Variants in METTL2B observed in about 807,000 individuals in gnomAD.
METTL2B encodes the protein methyltransferase 2B, tRNA N3-cytidine, also known as tRNA N(3)-cytidine methyltransferase METTL2B.
In METTL2B, 28 loss-of-function variants were observed where a neutral mutation model predicts 51.0. The ratio of observed to expected loss-of-function variants is 0.55; its 90% confidence interval spans 0.41 to 0.75. The LOEUF is 0.75. METTL2B is among the 30% of genes least tolerant of loss of function. The pLI, the probability that METTL2B is intolerant of heterozygous loss-of-function variation, is 0.00. For synonymous variants in METTL2B, 128 were observed against 166.3 expected (o/e 0.77, Z 1.77); for missense variants, 313 against 460.7 (o/e 0.68, Z 2.93).
rs765973988 is a variant in METTL2B at position 128,479,276 on chromosome 7, A to C, written c.321A>C (p.Gln107His). 2 of 1,614,134 alleles carry C rather than the reference A, an allele frequency of 1.2e-6. No homozygotes were observed. Among genetic ancestry groups the C allele is most frequent in the African/African-American group, 2.7e-5 (2 of 74,950 alleles). Residue 107 changes from glutamine to histidine, a missense_variant, in exon 3 of 9, where the codon CAA becomes CAC. Gln to His is a conservative substitution (Grantham distance 24). Coordinates refer to ENST00000262432, the MANE Select transcript of METTL2B (RefSeq NM_018396.3). Reference protein sequence around the residue: ...FTEFPELAPSQNQNHLKDWFL... With the variant: ...FTEFPELAPSHNQNHLKDWFL... ...AATTCCCTGAGCTGGCACCTAGCCA[A>C]AATCAAAATCATTTGAAGGATTGGT... is the stretch of plus-strand genomic sequence containing the variant.
chr7:128,485,527 G>A (rs573490008), intron 4 of METTL2B, among the ~76,000 whole-genome samples: 7 of 152,214 alleles, frequency 4.6e-5, no homozygotes, highest in South Asian at 4.1e-4. Flanking sequence ...TTAGCCAGTC[G>A]TGGTGGCAGG....
chr7:128,502,955 T>G lies in METTL2B; in HGVS notation c.*1039T>G, dbSNP rs1190210878. On this transcript the variant is annotated 3_prime_UTR_variant, in exon 9 of 9. Transcript: ENST00000262432. ...ATGGAATTTTAAGCACTGTTCCCCCTCTAACCTATGTCTAAAGAATTAAAA... is the reference window on the plus strand; with the variant it reads ...ATGGAATTTTAAGCACTGTTCCCCCGCTAACCTATGTCTAAAGAATTAAAA... The G allele has an allele frequency of 1.6e-5, 3 of 184,838 alleles. No individual in the cohort carries two copies. Among genetic ancestry groups the G allele is most frequent in the Non-Finnish European group, 3.4e-5 (3 of 87,538 alleles). 11.4% of individuals were successfully genotyped at this position (184,838 alleles called of 1,614,324 possible).
chr7:128,505,312 A>T lies in METTL2B; in HGVS notation c.*3396A>T, dbSNP rs560726768. The T allele has an allele frequency of 6.6e-6, 1 of 152,298 alleles. No individual in the cohort carries two copies. Among genetic ancestry groups the T allele is most frequent in the Non-Finnish European group, 1.5e-5 (1 of 68,038 alleles). The allele number at this position is 152,298 out of a possible 1,614,324, so 9.4% of individuals were successfully genotyped here. A position where few individuals can be genotyped will look rare whatever the true frequency, so the allele number is the denominator to read the frequency against. On this transcript the variant is annotated 3_prime_UTR_variant, in exon 9 of 9. Coordinates refer to ENST00000262432, the MANE Select transcript of METTL2B (RefSeq NM_018396.3). Reference sequence around the variant, plus strand: ...TGTAAAAAATAAATAATTGTATTGAATTTATTAGTTGTGTCTCAGTCTCCT... The same window carrying T: ...TGTAAAAAATAAATAATTGTATTGATTTTATTAGTTGTGTCTCAGTCTCCT...
At chr7:128,489,302 G>C (rs1023425020) in intron 5 of METTL2B, among the ~76,000 whole-genome samples, 1 of 151,834 alleles carries the variant, frequency 6.6e-6, no homozygotes, top group Admixed American at 6.6e-5. Flanking sequence ...CAGGCATGGT[G>C]GTGGGCACCT....
intron 5 of METTL2B, among the ~76,000 whole-genome samples, chr7:128,491,842 T>G (rs1226520953): frequency 6.6e-6 from 1 of 152,160 alleles, no homozygotes; most frequent in Non-Finnish European, 1.5e-5. Flanking sequence ...TGCCATGCTT[T>G]TAGAATTATT....
chr7:128,491,414 G>A (rs1792830482), intron 5 of METTL2B, among the ~76,000 whole-genome samples: 1 of 151,948 alleles, frequency 6.6e-6, no homozygotes, highest in Admixed American at 6.6e-5. Context: ...TGGCCAATAT[G>A]GTGAAACTCC....
rs933745096 is a variant in METTL2B, at chr7:128,480,681, T to C, written c.593T>C (p.Ile198Thr). The C allele has an allele frequency of 1.9e-6, 3 of 1,605,372 alleles. No individual in the cohort carries two copies. Among genetic ancestry groups the C allele is most frequent in the African/African-American group, 2.7e-5 (2 of 74,218 alleles). ...GGTGTGGGAAACACAGTCTTTCCAA[T>C]TTTACAAACGAACAAGTAAGTATGT... ...GCGVGNTVFPILQTNNDPGLF... is the reference protein window; with the variant it reads ...GCGVGNTVFPTLQTNNDPGLF... Residue 198 changes from isoleucine (I) to threonine (T), a missense_variant, in exon 4 of 9, where the codon ATT becomes ACT. By Grantham distance (89) the Ile-to-Thr change is moderately conservative (BLOSUM62 -1). Around this residue, in one of 4 missense-constraint regions of METTL2B, gnomAD observed 42 missense variants for 113.4 expected, o/e 0.37. Coordinates refer to ENST00000262432, the MANE Select transcript of METTL2B (RefSeq NM_018396.3).
chr7:128,485,471 G>A (rs1330038846), intron 4 of METTL2B, among the ~76,000 whole-genome samples: 2 of 152,072 alleles, frequency 1.3e-5, no homozygotes, highest in Non-Finnish European at 1.5e-5. Context: ...AGACCATCCT[G>A]GCTAACACAG....
intron 4 of METTL2B, among the ~76,000 whole-genome samples, chr7:128,486,606 A>C (rs538787439): frequency 3.9e-4 from 58 of 149,242 alleles, no homozygotes; most frequent in African/African-American, 8.3e-4. Context: ...GTGTCTCACA[A>C]AAAAAAAAAG....
chr7:128,482,955 A>C (rs1238683631), intron 4 of METTL2B: 1 of 152,242 alleles, frequency 6.6e-6, no homozygotes, highest in African/African-American at 2.4e-5. Flanking sequence ...CACAGTATTC[A>C]TTAACAGGAT....
At chr7:128,478,249 A>G (rs980976627) in intron 2 of METTL2B, among the ~76,000 whole-genome samples, 7 of 147,978 alleles carry the variant, frequency 4.7e-5, no homozygotes, top group Non-Finnish European at 8.9e-5. Flanking sequence ...TAAACTGTCC[A>G]TACTTTTTTT....
chr7:128,485,277 A>G (rs1215044885), intron 4 of METTL2B, among the ~76,000 whole-genome samples: 10 of 152,192 alleles, frequency 6.6e-5, no homozygotes, highest in Non-Finnish European at 1.5e-4. Flanking sequence ...CCATGCCTAT[A>G]ATCCCAGCAC....
intron 3 of METTL2B, among the ~76,000 whole-genome samples, chr7:128,480,241 A>G (rs1182065423): frequency 6.6e-6 from 1 of 152,234 alleles, no homozygotes; most frequent in Non-Finnish European, 1.5e-5. Context: ...TGCTGTCTTC[A>G]TTACCACGCA....
At position 128,505,380 on chromosome 7, in the gene METTL2B, A is replaced by T. The variant is rs1232875530; in HGVS notation, c.*3464A>T. 6.6e-6 allele frequency: 1 copy of T among 152,240 alleles called. No individual in the cohort carries two copies. Among genetic ancestry groups the T allele is most frequent in the Non-Finnish European group, 1.5e-5 (1 of 68,040 alleles). The allele number at this position is 152,240 out of a possible 1,614,324, so 9.4% of individuals were successfully genotyped here. On this transcript the variant is annotated 3_prime_UTR_variant, in exon 9 of 9. Coordinates refer to ENST00000262432, the MANE Select transcript of METTL2B (RefSeq NM_018396.3). ...CTTGCTTTTGCACCTTTGCATTTTA[A>T]GGTAAGAGGCTATTGTGTAAACTCG...
At chr7:128,480,284 C>T (rs576158482) in intron 3 of METTL2B, among the ~76,000 whole-genome samples, 10 of 152,240 alleles carry the variant, frequency 6.6e-5, no homozygotes, top group African/African-American at 2.4e-4. Flanking sequence ...GTCAAGGTCC[C>T]CTTTTCATAC....
intron 4 of METTL2B, among the ~76,000 whole-genome samples, chr7:128,485,826 C>T (rs888773138): frequency 2.6e-5 from 4 of 152,132 alleles, no homozygotes; most frequent in Non-Finnish European, 4.4e-5. Flanking sequence ...ATCAATAAAA[C>T]AACAATTTTT....
intron 8 of METTL2B, 67 bp downstream of exon 8, chr7:128,501,035 A>G (rs1793019240): frequency 6.2e-7 from 1 of 1,605,192 alleles, no homozygotes; most frequent in Admixed American, 1.7e-5. Flanking sequence ...GCACATTCAG[A>G]AGGAAAACTA....
chr7:128,487,773 GA>G (rs1488044356), intron 4 of METTL2B, among the ~76,000 whole-genome samples: 2 of 151,578 alleles, frequency 1.3e-5, no homozygotes, highest in African/African-American at 4.8e-5. Flanking sequence ...GTGGCTCAGC[GA>G]AGAAAAAAGA....
intron 7 of METTL2B, among the ~76,000 whole-genome samples, chr7:128,499,955 GCTTGTCAC>G (rs1410917711): frequency 6.6e-6 from 1 of 152,184 alleles, no homozygotes; most frequent in East Asian, 1.9e-4. Flanking sequence ...GAGATGTCGT[GCTTGTCAC>G]CTGAGGTGGA....
Sources: allele counts gnomAD v4.1 joint callset (sites outside exome capture counted in the v4.1 genomes callset), GRCh38; gene constraint gnomAD v4.1.1; regional missense constraint gnomAD v4.1.1; transcripts MANE v1.5; gene names NCBI Gene and HGNC (gene_info 2026-07-23, HGNC 2026-07-21).